The following ATP6V0A1 variants were observed in gnomAD, a reference collection of about 807,000 sequenced individuals.
ATP6V0A1 encodes V-type proton ATPase 116 kDa subunit a 1.
A neutral mutation model predicts 105.4 loss-of-function variants in ATP6V0A1; 43 were observed. That is an observed-to-expected ratio of 0.41 (90% confidence interval 0.32 to 0.53). The LOEUF (loss-of-function observed/expected upper bound fraction) is 0.53, where lower values mean the gene tolerates loss of function less well. Ranked by LOEUF, ATP6V0A1 falls within the 20% of genes least tolerant of loss-of-function variation. ATP6V0A1 has a pLI of 0.30. For synonymous variants in ATP6V0A1, 362 were observed against 372.8 expected (o/e 0.97, Z 0.33); for missense variants, 676 against 1,051.1 (o/e 0.64, Z 4.93).
rs754923573 is a variant in ATP6V0A1, at chr17:42,490,617, C to T, written c.1154C>T (p.Thr385Ile). 1 of 1,596,784 alleles carries T rather than the reference C, an allele frequency of 6.3e-7. No homozygotes were observed. Among genetic ancestry groups the T allele is most frequent in the East Asian group, 2.2e-5 (1 of 44,552 alleles). The change falls in exon 11 of 22, where the codon ACT becomes ATT. Residue 385 changes from threonine (T) to isoleucine (I), a missense_variant. Physicochemically the swap from Thr to Ile is moderately conservative, Grantham distance 89. Around this residue, in one of 3 missense-constraint regions of ATP6V0A1, gnomAD observed 435 missense variants for 642.2 expected, o/e 0.68. Coordinates refer to ENST00000343619, the MANE Select transcript of ATP6V0A1 (RefSeq NM_001130021.3). ...ATAGTAGATGCTTATGGAATTGGAA[C>T]TTACCGAGAGATAAATCCAGGTAAA... Reference protein sequence around the residue: ...QNIVDAYGIGTYREINPAPYT... With the variant: ...QNIVDAYGIGIYREINPAPYT...
In ATP6V0A1 at chr17:42,478,515, C is replaced by T; in HGVS notation, c.559C>T (p.Leu187Phe). ...GCGCATCCCTACTTTTGAGCGCATGCTTTGGCGGGTATGCCGGGGAAATGT... is the reference window on the plus strand; with the variant it reads ...GCGCATCCCTACTTTTGAGCGCATGTTTTGGCGGGTATGCCGGGGAAATGT... Reference protein sequence around the residue: ...RERIPTFERMLWRVCRGNVFL... With the variant: ...RERIPTFERMFWRVCRGNVFL... Residue 187 changes from leucine (L) to phenylalanine (F), a missense_variant, in exon 7 of 22, where the codon CTT (leucine) becomes TTT (phenylalanine). Leu to Phe is a conservative substitution (Grantham distance 22, BLOSUM62 0). Coordinates refer to ENST00000343619, the MANE Select transcript of ATP6V0A1 (RefSeq NM_001130021.3). The T allele has an allele frequency of 1.2e-6, 2 of 1,611,386 alleles. No individual in the cohort carries two copies. The highest frequency in any genetic ancestry group is 1.7e-6 in the Non-Finnish European group (2 of 1,178,462).
intron 2 of ATP6V0A1, among the ~76,000 whole-genome samples, chr17:42,462,823 G>A (rs959566135): frequency 6.6e-6 from 1 of 151,480 alleles, no homozygotes; most frequent in African/African-American, 2.4e-5. Context: ...ATGTTACCCA[G>A]GTTGGTCTTG....
intron 21 of ATP6V0A1, among the ~76,000 whole-genome samples, chr17:42,514,789 T>A (rs778216561): frequency 1.3e-5 from 2 of 152,164 alleles, no homozygotes; most frequent in Non-Finnish European, 2.9e-5. Context: ...TCTGGTTTTC[T>A]CTCTGATGTG....
At chr17:42,506,365 G>A (rs2092024057) in intron 17 of ATP6V0A1, among the ~76,000 whole-genome samples, 1 of 152,228 alleles carries the variant, frequency 6.6e-6, no homozygotes, top group African/African-American at 2.4e-5. Flanking sequence ...AGCATGTTAA[G>A]GACCACTGCT....
At chr17:42,513,816 C>T in intron 19 of ATP6V0A1, 45 bp from the exon 20 acceptor site, 3 of 1,563,878 alleles carry the variant, frequency 1.9e-6, no homozygotes, top group Non-Finnish European at 1.8e-6. Context: ...CCTGCACGTT[C>T]CCCTCCTAGC....
At chr17:42,473,916 C>A (rs1261699177) in intron 5 of ATP6V0A1, among the ~76,000 whole-genome samples, 4 of 151,970 alleles carry the variant, frequency 2.6e-5, no homozygotes, top group Admixed American at 2.6e-4. Flanking sequence ...AATAATAAGT[C>A]TAAACACTAA....
chr17:42,500,887 C>T lies in ATP6V0A1; in HGVS notation c.1860C>T (p.Tyr620=), dbSNP rs2091613411. The T allele has an allele frequency of 3.1e-6, 5 of 1,613,910 alleles. No individual in the cohort carries two copies. Among genetic ancestry groups the T allele is most frequent in the Non-Finnish European group, 4.2e-6 (5 of 1,179,924 alleles). Residue 620 remains tyrosine, a synonymous_variant, in exon 16 of 22, where the codon TAC becomes TAT. Coordinates refer to ENST00000343619, the MANE Select transcript of ATP6V0A1 (RefSeq NM_001130021.3). ...TCATAAACATGTTCCTCTTTTCCTA[C>T]CCAGAGTCTGGTTATTCAATGTTGT... is the stretch of plus-strand genomic sequence containing the variant. The part of the protein sequence containing the change: ...IHFINMFLFS[Y]PESGYSMLYS...
At chr17:42,480,373 A>G (rs1336686013) in intron 7 of ATP6V0A1, 2 of 197,298 alleles carry the variant, frequency 1.0e-5, no homozygotes, top group African/African-American at 4.7e-5. Flanking sequence ...TAAGATTTAA[A>G]GCTGAATTGG....
chr17:42,519,047 T>TG (rs563673606), intron 21 of ATP6V0A1: 2 of 152,350 alleles, frequency 1.3e-5, no homozygotes, highest in Non-Finnish European at 2.9e-5. Context: ...AGACCCAAGA[T>TG]GTCCCAGTTC....
chr17:42,484,734 C>T (rs1428370031), intron 9 of ATP6V0A1, among the ~76,000 whole-genome samples: 1 of 152,058 alleles, frequency 6.6e-6, no homozygotes, highest in Admixed American at 6.5e-5. Context: ...TGATGATTGC[C>T]CCCTTAGAAT....
chr17:42,487,543 C>T (rs886616464), intron 10 of ATP6V0A1, among the ~76,000 whole-genome samples, 176 bp downstream of exon 10: 3 of 151,990 alleles, frequency 2.0e-5, no homozygotes, highest in Non-Finnish European at 4.4e-5. Context: ...CTGGCTAACA[C>T]GGTGAAACCC....
At chr17:42,508,616 G>T (rs758514727) in intron 19 of ATP6V0A1, 27 bp downstream of exon 19, 2 of 1,613,852 alleles carry the variant, frequency 1.2e-6, no homozygotes, top group South Asian at 1.1e-5. Flanking sequence ...CGTTGCCTTC[G>T]TGTTTATCCG....
intron 5 of ATP6V0A1, among the ~76,000 whole-genome samples, chr17:42,475,119 CATCT>C (rs1244026487): frequency 6.6e-6 from 1 of 152,154 alleles, no homozygotes; most frequent in Non-Finnish European, 1.5e-5. Context: ...GTTTTCCATC[CATCT>C]GCTTTCTTTA....
At chr17:42,477,787 A>G in intron 6 of ATP6V0A1, 45 bp downstream of exon 6, 1 of 1,493,430 alleles carries the variant, frequency 6.7e-7, no homozygotes, top group Non-Finnish European at 9.3e-7. Context: ...GGCCATGTTC[A>G]TCTCTTCTGT....
chr17:42,521,203 G>T lies in ATP6V0A1; in HGVS notation c.*83G>T. The T allele has an allele frequency of 7.9e-7, 1 of 1,262,084 alleles. No individual in the cohort carries two copies. 78.2% of individuals were successfully genotyped at this position (1,262,084 alleles called of 1,614,324 possible). A position where few individuals can be genotyped will look rare whatever the true frequency, so the allele number is the denominator to read the frequency against. On this transcript the variant is annotated 3_prime_UTR_variant, in exon 22 of 22. Transcript: ENST00000343619. The surrounding 1 kb of genome is among the most constrained non-coding windows in gnomAD (Gnocchi z 4.8). ...AGCTGTGCCTCTCTGCCTGTTGGTT[G>T]TGATCTGTGGGCACCAGCTCATTCG...
intron 14 of ATP6V0A1, among the ~76,000 whole-genome samples, chr17:42,497,759 CG>C (rs1354459953): frequency 3.7e-4 from 54 of 147,376 alleles, no homozygotes; most frequent in Non-Finnish European, 6.3e-4. Flanking sequence ...AAGTCCTGGC[CG>C]GGCGCGGTGG....
At chr17:42,484,852 C>CTTTT (rs10711845) in intron 9 of ATP6V0A1, among the ~76,000 whole-genome samples, 2 of 112,174 alleles carry the variant, frequency 1.8e-5, no homozygotes, top group African/African-American at 3.1e-5. Context: ...CTTTTCTTTT[C>CTTTT]TTTTTTTTTT....
chr17:42,493,084 C>G (rs550342580), intron 11 of ATP6V0A1, among the ~76,000 whole-genome samples: 9 of 152,296 alleles, frequency 5.9e-5, no homozygotes, highest in African/African-American at 2.2e-4. Context: ...CTGGACTTCT[C>G]TAGCAAATCA....
chr17:42,516,418 C>T lies in ATP6V0A1; in HGVS notation c.2420+1958C>T, dbSNP rs2092628751. On this transcript the variant is annotated intron_variant, in intron 21 of 21. Transcript: ENST00000343619. ...CCTGGCTCTCTCCCTCCTGGCCTCC[C>T]TCCTCCCCACCCAGCTCATCTGGCT... Among the ~76,000 whole-genome samples the T allele has an allele frequency of 2.0e-5, 3 of 152,152 alleles. No homozygotes were observed. The South Asian group carries it at 6.2e-4, about 31-fold the overall frequency.
Sources: allele counts gnomAD v4.1 joint callset (sites outside exome capture counted in the v4.1 genomes callset), GRCh38; gene constraint gnomAD v4.1.1; regional missense constraint gnomAD v4.1.1; non-coding constraint Gnocchi (gnomAD v3.1); transcripts MANE v1.5; gene names NCBI Gene and HGNC (gene_info 2026-07-23, HGNC 2026-07-21).